Variants in DPPA2 observed in about 807,000 individuals in gnomAD.
The protein encoded by DPPA2 is developmental pluripotency associated 2.
Under a neutral mutation model 36.2 loss-of-function variants are expected in DPPA2, and 26 were observed. The ratio of observed to expected loss-of-function variants is 0.72; its 90% CI spans 0.53 to 1.00. DPPA2 has a LOEUF of 1.00. Ranked by LOEUF, DPPA2 falls within the 50% of genes least tolerant of loss-of-function variation. DPPA2 has a pLI of 0.00. For synonymous variants in DPPA2, 113 were observed against 123.2 expected (o/e 0.92, Z 0.55); for missense variants, 361 against 365.1 (o/e 0.99, Z 0.09).
Position 109,309,798 on chromosome 3 carries a change from G to A in DPPA2, c.182-468C>T, listed in dbSNP as rs143833160. 6.2e-3 allele frequency among the ~76,000 whole-genome samples: 950 copies of A among 152,032 alleles called. 13 individuals carry two copies. The highest frequency in any genetic ancestry group is 0.022 in the African/African-American group (901 of 41,460). ...ATATTAAAAATGAGGTAACAAGGCC[G>A]GGCACGGTGGCTCACACCTATAATC... On this transcript the variant is annotated intron_variant, in intron 3 of 8. Transcript: ENST00000478945.
At chr3:109,300,512 GA>G in intron 7 of DPPA2, 77 bp from the exon 8 acceptor site, 1 of 1,417,242 alleles carries the variant, frequency 7.1e-7, no homozygotes. Context: ...CCTTTAAAAT[GA>G]CCAATAAAAT....
At chr3:109,309,353 G>T (rs1392864791) in intron 3 of DPPA2, 23 bp from the exon 4 acceptor site, 1 of 1,611,578 alleles carries the variant, frequency 6.2e-7, no homozygotes, top group South Asian at 1.1e-5. Context: ...TGGAACCAAA[G>T]TAGTAATAAT....
At position 109,308,096 on chromosome 3, in the gene DPPA2, C is replaced by T; in HGVS notation, c.594G>A (p.Gln198=). 2 of 1,614,236 alleles carry T rather than the reference C, an allele frequency of 1.2e-6. No individual in the cohort carries two copies. Among genetic ancestry groups the T allele is most frequent in the Non-Finnish European group, 1.7e-6 (2 of 1,180,042 alleles). Residue 198 remains glutamine, a synonymous_variant, in exon 6 of 9, where the codon CAG becomes CAA. Coordinates refer to ENST00000478945, the MANE Select transcript of DPPA2 (RefSeq NM_138815.4). The part of the protein sequence containing the change: ...SWARIAARAV[Q]PKALNSCSIP... ...TGGAACATGAATTCAAAGCCTTAGG[C>T]TGAACAGCTCTTGCAGCAATTCTTG... is the stretch of plus-strand genomic sequence containing the variant.
At chr3:109,315,172 C>T (rs1281811126) in intron 1 of DPPA2, among the ~76,000 whole-genome samples, 1 of 152,120 alleles carries the variant, frequency 6.6e-6, no homozygotes, top group Admixed American at 6.5e-5. Context: ...TGTTTTAGAA[C>T]AGTTATAAGA....
intron 8 of DPPA2, among the ~76,000 whole-genome samples, chr3:109,296,260 T>C (rs147383382): frequency 3.3e-5 from 5 of 151,478 alleles, no homozygotes; most frequent in African/African-American, 7.3e-5. Flanking sequence ...CAAAGACAAA[T>C]AGAAAATCGT....
At chr3:109,300,241 T>C in intron 8 of DPPA2, 130 bp downstream of exon 8, 2 of 719,328 alleles carry the variant, frequency 2.8e-6, no homozygotes, top group South Asian at 1.7e-5. Flanking sequence ...ACAAGAGACT[T>C]TGATACATTT....
intron 6 of DPPA2, 149 bp from the exon 7 acceptor site, chr3:109,304,819 A>C: frequency 1.3e-6 from 1 of 788,170 alleles, no homozygotes; most frequent in East Asian, 2.9e-5. Flanking sequence ...TGACACTATG[A>C]TCTAATTTCA....
At chr3:109,304,714 A>T in intron 6 of DPPA2, 44 bp from the exon 7 acceptor site, 2 of 1,528,660 alleles carry the variant, frequency 1.3e-6, no homozygotes, top group South Asian at 2.6e-5. Context: ...TCAAGATAGC[A>T]CCCCAACACA....
At position 109,306,003 on chromosome 3, in the gene DPPA2, T is replaced by G. The variant is rs1469225720; in HGVS notation, c.659-1333A>C. On this transcript the variant is annotated intron_variant, in intron 6 of 8. Transcript: ENST00000478945. ...ACAATTTAATTAAGGAGACGGGATATTTGCAAGAAAATAAGTGGTACACTC... is the reference window on the plus strand; with the variant it reads ...ACAATTTAATTAAGGAGACGGGATAGTTGCAAGAAAATAAGTGGTACACTC... 2.0e-5 allele frequency among the ~76,000 whole-genome samples: 3 copies of G among 152,274 alleles called. No homozygotes were observed. In the East Asian group the frequency reaches 5.8e-4, roughly 29 times the overall value.
At chr3:109,299,921 C>A (rs1707429265) in intron 8 of DPPA2, among the ~76,000 whole-genome samples, 1 of 151,782 alleles carries the variant, frequency 6.6e-6, no homozygotes, top group Non-Finnish European at 1.5e-5. Context: ...ATGCCCAGCC[C>A]TGCCTCATCA....
intron 8 of DPPA2, among the ~76,000 whole-genome samples, chr3:109,295,877 G>C (rs1470484335): frequency 6.6e-6 from 1 of 152,082 alleles, no homozygotes; most frequent in Non-Finnish European, 1.5e-5. Flanking sequence ...AAAATAAAAT[G>C]ATAGAAATTA....
At chr3:109,298,547 T>C (rs1297734113) in intron 8 of DPPA2, among the ~76,000 whole-genome samples, 1 of 151,458 alleles carries the variant, frequency 6.6e-6, no homozygotes, top group African/African-American at 2.4e-5. Context: ...ACCCCATCTC[T>C]ACTAAAAAAA....
chr3:109,309,453 C>A, intron 3 of DPPA2, 123 bp from the exon 4 acceptor site: 1 of 980,164 alleles, frequency 1.0e-6, no homozygotes, highest in Non-Finnish European at 1.5e-6. Flanking sequence ...TTTGGGAGGC[C>A]GAGGTAGGCA....
intron 6 of DPPA2, among the ~76,000 whole-genome samples, chr3:109,306,207 A>G (rs1488890766): frequency 2.6e-5 from 4 of 152,226 alleles, no homozygotes; most frequent in Non-Finnish European, 5.9e-5. Context: ...CAGATGCTTA[A>G]CAATTGCAGA....
rs759847535 is a variant in DPPA2 at position 109,308,266 on chromosome 3, T to G, written c.424A>C (p.Arg142=). Residue 142 remains arginine (R), a synonymous_variant, in exon 6 of 9, where the codon AGA becomes CGA. Coordinates refer to ENST00000478945, the MANE Select transcript of DPPA2 (RefSeq NM_138815.4). ...QDMPEMSQET[R]LQRCSRKRKA... is the part of the protein sequence containing the mutation. ...CGTTTCCTCGAACATCGCTGTAATCTGGTCTCTTGTGACATTTCAGGCATA... is the reference window on the plus strand; with the variant it reads ...CGTTTCCTCGAACATCGCTGTAATCGGGTCTCTTGTGACATTTCAGGCATA... 6 of 1,614,270 alleles carry G rather than the reference T, an allele frequency of 3.7e-6. No homozygotes were observed. The East Asian group carries it at 1.1e-4, about 30-fold the overall frequency.
Position 109,298,741 on chromosome 3 carries a change from T to TAATAAA in DPPA2, c.*22+1629_*22+1630insTTTATT, listed in dbSNP as rs781125422. Among the ~76,000 whole-genome samples, 1,311 of 148,852 alleles carry TAATAAA rather than the reference T, an allele frequency of 8.8e-3. 6 individuals carry two copies. The highest frequency in any genetic ancestry group is 0.014 in the Non-Finnish European group (910 of 67,320). ...AAAATAATAATAATAATAATAATAA[T>TAATAAA]AAAATAGCCAGGCACAGTGGCTCAC... On this transcript the variant is annotated intron_variant, in intron 8 of 8. Coordinates refer to ENST00000478945, the MANE Select transcript of DPPA2 (RefSeq NM_138815.4).
chr3:109,307,419 T>C (rs969275024), intron 6 of DPPA2, among the ~76,000 whole-genome samples: 4 of 151,594 alleles, frequency 2.6e-5, no homozygotes, highest in Non-Finnish European at 4.4e-5. Context: ...CTGGCCAACA[T>C]AGTGAAACCC....
chr3:109,312,534 T>A lies in DPPA2; in HGVS notation c.181+11A>T, dbSNP rs1250198580. On this transcript the variant is annotated intron_variant, in intron 3 of 8. Coordinates refer to ENST00000478945, the MANE Select transcript of DPPA2 (RefSeq NM_138815.4). ...TAGGAGTAACTAACTGAGCAATCCC[T>A]GTCCTCATACCTGGATTGTATTTCT... The A allele has an allele frequency of 6.2e-7, 1 of 1,609,656 alleles. No homozygotes were observed. Among genetic ancestry groups the A allele is most frequent in the African/African-American group, 1.3e-5 (1 of 74,882 alleles).
chr3:109,308,852 T>G (rs967881375), intron 5 of DPPA2, among the ~76,000 whole-genome samples, 174 bp downstream of exon 5: 2 of 152,096 alleles, frequency 1.3e-5, no homozygotes, highest in East Asian at 3.9e-4. Context: ...CATACTACAA[T>G]GTACAGGGCA....
Sources: gnomAD v4.1 joint callset for allele counts (sites outside exome capture counted in the v4.1 genomes callset) on GRCh38, gnomAD v4.1.1 for gene constraint, MANE v1.5 for transcripts, NCBI Gene and HGNC (gene_info 2026-07-23, HGNC 2026-07-21) for gene names.